Variants in SGCZ observed in about 807,000 individuals in gnomAD.
SGCZ encodes sarcoglycan zeta, also known as zeta-sarcoglycan.
SGCZ carries 40 observed loss-of-function variants against 41.3 expected under a neutral mutation model. The ratio of observed to expected loss-of-function variants is 0.97; its 90% CI spans 0.75 to 1.26. The LOEUF (loss-of-function observed/expected upper bound fraction) is 1.26. Ranked by LOEUF, SGCZ falls within the 50% of genes most tolerant of loss-of-function variation. The pLI is 0.00. For missense variants in SGCZ, 552 were observed against 369.8 expected, an observed-to-expected ratio of 1.49 and a Z score of -4.04; for synonymous variants, 206 against 137.5, an observed-to-expected ratio of 1.50 and a Z score of -3.49.
At chr8:14,875,381 G>C (rs1804313855) in intron 1 of SGCZ, among the ~76,000 whole-genome samples, 1 of 152,064 alleles carries the variant, frequency 6.6e-6, no homozygotes, top group African/African-American at 2.4e-5. Context: ...TTAAGGACTA[G>C]GTCTCAACAT....
chr8:14,771,441 T>C (rs915929932), intron 1 of SGCZ, among the ~76,000 whole-genome samples: 3 of 152,122 alleles, frequency 2.0e-5, no homozygotes, highest in African/African-American at 7.2e-5. Context: ...TACTTTCAAT[T>C]ACAGAAAGAA....
At chr8:14,856,949 C>T (rs184029770) in intron 1 of SGCZ, among the ~76,000 whole-genome samples, 3 of 152,144 alleles carry the variant, frequency 2.0e-5, no homozygotes, top group South Asian at 2.1e-4. Context: ...GGTTTGGATC[C>T]GTGTCTCTGC....
intron 1 of SGCZ, among the ~76,000 whole-genome samples, chr8:15,033,015 C>G (rs910296985): frequency 6.6e-6 from 1 of 152,120 alleles, no homozygotes; most frequent in Non-Finnish European, 1.5e-5. Context: ...AACAGGCCAG[C>G]GCCTGTGGAC....
intron 1 of SGCZ, among the ~76,000 whole-genome samples, chr8:14,569,575 C>A (rs777078383): frequency 6.6e-6 from 1 of 152,114 alleles, no homozygotes; most frequent in African/African-American, 2.4e-5. Flanking sequence ...AAACAAAAAT[C>A]CCTGTCATCA....
chr8:14,201,455 A>T (rs1382876633), intron 4 of SGCZ, among the ~76,000 whole-genome samples: 1 of 152,224 alleles, frequency 6.6e-6, no homozygotes, highest in East Asian at 1.9e-4. Flanking sequence ...ATAAAAAGGA[A>T]CAAAATTGTT....
intron 3 of SGCZ, among the ~76,000 whole-genome samples, chr8:14,239,701 G>C (rs11994667): frequency 0.14 from 20,527 of 151,140 alleles, 1,528 homozygotes; most frequent in Admixed American, 0.2. Flanking sequence ...AGGAGATCGA[G>C]ACCATCCCGG....
chr8:14,129,570 G>A (rs1802972234), intron 5 of SGCZ, among the ~76,000 whole-genome samples: 1 of 151,562 alleles, frequency 6.6e-6, no homozygotes, highest in Admixed American at 6.6e-5. Context: ...GCAGGGCTCA[G>A]AAGGAAATTT....
intron 2 of SGCZ, among the ~76,000 whole-genome samples, chr8:14,349,153 G>T (rs907261094): frequency 2.6e-5 from 4 of 152,016 alleles, no homozygotes; most frequent in African/African-American, 9.7e-5. Context: ...GTCAGTAATA[G>T]GAAACACATC....
chr8:15,038,781 G>C (rs368539201), intron 1 of SGCZ, among the ~76,000 whole-genome samples: 1 of 127,032 alleles, frequency 7.9e-6, no homozygotes, highest in African/African-American at 3.1e-5. Context: ...AACCTGATTA[G>C]AGAATGGGCA....
intron 1 of SGCZ, among the ~76,000 whole-genome samples, chr8:14,985,823 T>A (rs1273927553): frequency 6.6e-6 from 1 of 152,194 alleles, no homozygotes; most frequent in Non-Finnish European, 1.5e-5. Context: ...TTTTTAGGAC[T>A]AGGATTTTAG....
intron 1 of SGCZ, among the ~76,000 whole-genome samples, chr8:14,946,094 C>T (rs1156483942): frequency 1.5e-5 from 2 of 130,176 alleles, no homozygotes; most frequent in East Asian, 4.6e-4. Context: ...CCTATAGGGG[C>T]TATCTCTCTC....
intron 4 of SGCZ, among the ~76,000 whole-genome samples, chr8:14,195,499 G>A (rs906366333): frequency 2.6e-5 from 4 of 152,052 alleles, no homozygotes; most frequent in African/African-American, 9.7e-5. Context: ...AATAATTGGA[G>A]AAATGATGGG....
intron 1 of SGCZ, among the ~76,000 whole-genome samples, chr8:14,998,450 G>T (rs536405876): frequency 1.4e-3 from 214 of 152,300 alleles, no homozygotes; most frequent in African/African-American, 4.8e-3. Flanking sequence ...AGCAGAAAAT[G>T]ATGACAGATA....
At chr8:15,012,512 AT>A (rs910997799) in intron 1 of SGCZ, among the ~76,000 whole-genome samples, 9 of 128,896 alleles carry the variant, frequency 7.0e-5, no homozygotes, top group African/African-American at 2.2e-4. Flanking sequence ...ATAAATATAT[AT>A]TTATACATAA....
chr8:14,771,490 G>T (rs940176833), intron 1 of SGCZ, among the ~76,000 whole-genome samples: 1 of 151,994 alleles, frequency 6.6e-6, no homozygotes, highest in African/African-American at 2.4e-5. Flanking sequence ...TACCATATCA[G>T]TTTTTCAGTT....
At chr8:14,684,019 G>C (rs954854214) in intron 1 of SGCZ, among the ~76,000 whole-genome samples, 26 of 152,176 alleles carry the variant, frequency 1.7e-4, no homozygotes, top group African/African-American at 5.5e-4. Flanking sequence ...TCCTTTCTCA[G>C]TGATATATAA....
chr8:14,823,201 A>G (rs186109793), intron 1 of SGCZ, among the ~76,000 whole-genome samples: 1 of 152,084 alleles, frequency 6.6e-6, no homozygotes, highest in African/African-American at 2.4e-5. Flanking sequence ...CTTCAAAAGC[A>G]CAGGTAACAA....
chr8:15,197,289 C>T (rs1800759719), intron 1 of SGCZ, among the ~76,000 whole-genome samples: 1 of 152,128 alleles, frequency 6.6e-6, no homozygotes, highest in East Asian at 1.9e-4. Context: ...TTAGTGTCGA[C>T]ATTAACAATT....
intron 1 of SGCZ, among the ~76,000 whole-genome samples, chr8:15,147,318 G>A (rs1256908949): frequency 1.3e-5 from 2 of 151,982 alleles, no homozygotes; most frequent in Non-Finnish European, 2.9e-5. Context: ...CACTCTTTTT[G>A]ACCAGGCTGG....
Sources: gnomAD v4.1 joint callset for allele counts (sites outside exome capture counted in the v4.1 genomes callset) on GRCh38, gnomAD v4.1.1 for gene constraint, MANE v1.5 for transcripts, NCBI Gene and HGNC (gene_info 2026-07-23, HGNC 2026-07-21) for gene names.